ASIC2: variants seen among roughly 807,000 people sequenced by gnomAD.
ASIC2 encodes acid-sensing ion channel 2.
A neutral mutation model predicts 57.3 loss-of-function variants in ASIC2; 25 were observed. The ratio of observed to expected loss-of-function variants is 0.44; its 90% CI spans 0.32 to 0.61. The LOEUF is 0.61. Ranked by LOEUF, ASIC2 falls within the 20% of genes least tolerant of loss-of-function variation. The pLI is 0.06. For missense variants in ASIC2, 641 were observed against 738.1 expected (o/e 0.87, Z 1.52); for synonymous variants, 319 against 307.5 (o/e 1.04, Z -0.39).
intron 3 of ASIC2, among the ~76,000 whole-genome samples, chr17:33,077,337 A>G (rs767013631): frequency 2.6e-4 from 39 of 152,132 alleles, no homozygotes; most frequent in Non-Finnish European, 4.0e-4. Context: ...GTTTGGAGCA[A>G]TTGATGAACC....
intron 1 of ASIC2, among the ~76,000 whole-genome samples, chr17:34,112,170 T>C (rs1246832956): frequency 6.6e-6 from 1 of 152,182 alleles, no homozygotes; most frequent in Non-Finnish European, 1.5e-5. Context: ...ATCTGAATGC[T>C]ATCTCTTCCA....
intron 1 of ASIC2, among the ~76,000 whole-genome samples, chr17:33,625,883 A>T (rs1453609522): frequency 6.6e-6 from 1 of 152,208 alleles, no homozygotes; most frequent in African/African-American, 2.4e-5. Flanking sequence ...TTGGAGGTGC[A>T]GGTGGAAAGG....
intron 1 of ASIC2, among the ~76,000 whole-genome samples, chr17:33,471,254 T>C (rs1232252274): frequency 6.6e-6 from 1 of 152,166 alleles, no homozygotes; most frequent in East Asian, 1.9e-4. Context: ...GACCTTTTTG[T>C]GTTAGGAGAA....
At chr17:33,235,548 G>A (rs1156745629) in intron 1 of ASIC2, among the ~76,000 whole-genome samples, 1 of 152,210 alleles carries the variant, frequency 6.6e-6, no homozygotes, top group Non-Finnish European at 1.5e-5. Flanking sequence ...ATGCAGACTA[G>A]GAAAGCCCGT....
intron 1 of ASIC2, chr17:34,072,369 A>T (rs905607572): frequency 5.3e-5 from 8 of 152,116 alleles, no homozygotes; most frequent in African/African-American, 1.4e-4. Flanking sequence ...TGTTGTTTTT[A>T]AAAAACCCTG....
intron 1 of ASIC2, among the ~76,000 whole-genome samples, chr17:33,895,200 T>C (rs1915065726): frequency 6.6e-6 from 1 of 151,696 alleles, no homozygotes; most frequent in African/African-American, 2.4e-5. Context: ...TCTAACTCTG[T>C]TGCCCAGGCT....
intron 1 of ASIC2, among the ~76,000 whole-genome samples, chr17:33,735,498 A>G (rs997677791): frequency 2.0e-5 from 3 of 152,218 alleles, no homozygotes; most frequent in Admixed American, 1.3e-4. Context: ...GGAAAAATAC[A>G]TATGTTAGAG....
chr17:33,067,532 A>T (rs223039), intron 3 of ASIC2, among the ~76,000 whole-genome samples: 139,662 of 152,248 alleles, frequency 0.92, 64,137 homozygotes, highest in African/African-American at 0.97. Flanking sequence ...GAGCATCACA[A>T]CAAGTATGAA....
At chr17:33,240,565 T>C (rs774831582) in intron 1 of ASIC2, among the ~76,000 whole-genome samples, 3 of 152,202 alleles carry the variant, frequency 2.0e-5, no homozygotes, top group Non-Finnish European at 4.4e-5. Context: ...AGCTCAGACG[T>C]GGAGTTCTTT....
chr17:33,544,406 C>T lies in ASIC2; in HGVS notation c.556-432339G>A, dbSNP rs564184344. Among the ~76,000 whole-genome samples the T allele has an allele frequency of 2.1e-4, 32 of 152,298 alleles. No individual in the cohort carries two copies. The East Asian group carries it at 5.2e-3, about 25-fold the overall frequency. ...TTCATTTCTCCTGGGTAAATACCCA[C>T]GAGTGGAAATTCCTGGGTCTCAGGT... On this transcript the variant is annotated intron_variant, in intron 1 of 9. Transcript: ENST00000359872.
chr17:33,020,717 T>G (rs889304235), intron 7 of ASIC2, among the ~76,000 whole-genome samples: 24 of 152,086 alleles, frequency 1.6e-4, no homozygotes, highest in African/African-American at 5.6e-4. Flanking sequence ...TGACTCTCAG[T>G]CCAGGGGGCA....
intron 6 of ASIC2, 148 bp downstream of exon 6, chr17:33,023,713 G>C: frequency 9.4e-7 from 1 of 1,065,716 alleles, no homozygotes; most frequent in Non-Finnish European, 1.3e-6. Flanking sequence ...TCTGAACATG[G>C]AGCGCAGAGC....
At chr17:33,308,351 T>C (rs1441223255) in intron 1 of ASIC2, among the ~76,000 whole-genome samples, 1 of 152,202 alleles carries the variant, frequency 6.6e-6, no homozygotes. Flanking sequence ...AGGCCTAGGT[T>C]CTATATAGTG....
chr17:33,704,246 A>G (rs1428799336), intron 1 of ASIC2, among the ~76,000 whole-genome samples: 1 of 152,256 alleles, frequency 6.6e-6, no homozygotes, highest in Non-Finnish European at 1.5e-5. Context: ...TTTGCTCGTT[A>G]TCATGTAAAA....
At chr17:33,714,094 A>C (rs1057302432) in intron 1 of ASIC2, among the ~76,000 whole-genome samples, 9 of 152,120 alleles carry the variant, frequency 5.9e-5, no homozygotes, top group African/African-American at 1.9e-4. Context: ...GGATGGGTGC[A>C]TGTTGTTTGA....
intron 1 of ASIC2, among the ~76,000 whole-genome samples, chr17:33,124,230 G>T (rs916966112): frequency 2.0e-5 from 3 of 152,202 alleles, no homozygotes; most frequent in African/African-American, 7.2e-5. Flanking sequence ...CTTGGAGATT[G>T]AGTATCATGG....
intron 1 of ASIC2, among the ~76,000 whole-genome samples, chr17:33,607,644 C>G (rs961987729): frequency 6.6e-6 from 1 of 152,192 alleles, no homozygotes; most frequent in African/African-American, 2.4e-5. Flanking sequence ...GTGGCGGCAT[C>G]TGTCTGTCAC....
At chr17:34,047,194 AC>A (rs1908369939) in intron 1 of ASIC2, among the ~76,000 whole-genome samples, 1 of 152,160 alleles carries the variant, frequency 6.6e-6, no homozygotes, top group African/African-American at 2.4e-5. Context: ...TACCAGGGCT[AC>A]CCATTCACAC....
At chr17:33,230,491 G>A (rs542373469) in intron 1 of ASIC2, among the ~76,000 whole-genome samples, 43 of 152,370 alleles carry the variant, frequency 2.8e-4, no homozygotes, top group African/African-American at 5.3e-4. Context: ...CCAGAGGCAA[G>A]TGGTGTGAAG....
Sources: gnomAD v4.1 joint callset for allele counts (sites outside exome capture counted in the v4.1 genomes callset) on GRCh38, gnomAD v4.1.1 for gene constraint, MANE v1.5 for transcripts, NCBI Gene and HGNC (gene_info 2026-07-23, HGNC 2026-07-21) for gene names.